Variants in CCDC180 observed in about 807,000 individuals in gnomAD.
CCDC180 encodes coiled-coil domain-containing protein 180.
A neutral mutation model predicts 209.2 loss-of-function variants in CCDC180; 154 were observed. That is an observed-to-expected ratio of 0.74 (90% confidence interval 0.65 to 0.84). The LOEUF (loss-of-function observed/expected upper bound fraction) is 0.84, where lower values mean the gene tolerates loss of function less well. Ranked by LOEUF, CCDC180 falls within the 40% of genes least tolerant of loss-of-function variation. The pLI is 0.00. For synonymous variants in CCDC180, 778 were observed against 749.1 expected (o/e 1.04, Z -0.63); for missense variants, 1,874 against 1,997.3 (o/e 0.94, Z 1.18).
chr9:97,371,787 C>A, intron 34 of CCDC180, 81 bp downstream of exon 34: 1 of 790,326 alleles, frequency 1.3e-6, no homozygotes, highest in Non-Finnish European at 2.0e-6. Context: ...CTTTCCCCAA[C>A]TCTATCAAAG....
chr9:97,362,516 T>G, intron 28 of CCDC180, 75 bp downstream of exon 28: 1 of 1,549,028 alleles, frequency 6.5e-7, no homozygotes, highest in Non-Finnish European at 8.7e-7. Context: ...GACCTATGGC[T>G]TTCCCAGGCT....
chr9:97,356,288 T>C (rs1826584325), intron 24 of CCDC180, among the ~76,000 whole-genome samples: 1 of 152,072 alleles, frequency 6.6e-6, no homozygotes. Flanking sequence ...GACTTGTCTT[T>C]TGGGAGTGGC....
intron 13 of CCDC180, 45 bp downstream of exon 13, chr9:97,323,948 G>A (rs141514275): frequency 6.5e-7 from 1 of 1,544,188 alleles, no homozygotes; most frequent in South Asian, 1.2e-5. Flanking sequence ...GGTGGGGTTG[G>A]GGGTCCCCGG....
At position 97,330,657 on chromosome 9, in the gene CCDC180, G is replaced by T. The variant is rs373770948; in HGVS notation, c.2164G>T (p.Glu722Ter). ...GAAGGGTCAAGGAGAAAAGAAGGAG[G>T]AGTCAGAGGAGGAAGATGAGAAGGA... ...NVKGQGEKKE[E>*]SEEEDEKEEE... Residue 722 changes from glutamate (E) to a stop codon, truncating the protein, a stop_gained, in exon 18 of 37, where the codon GAG (glutamate) becomes TAG (stop). Coordinates refer to ENST00000529487, the MANE Select transcript of CCDC180 (RefSeq NM_020893.6). LOFTEE classifies it high-confidence loss of function. 17 of 1,607,930 alleles carry T rather than the reference G, an allele frequency of 1.1e-5. No homozygotes were observed. Among genetic ancestry groups the T allele is most frequent in the Non-Finnish European group, 1.4e-5 (16 of 1,178,702 alleles).
Position 97,314,599 on chromosome 9 carries a change from C to T in CCDC180, c.589-19C>T. 1 of 1,613,930 alleles carries T rather than the reference C, an allele frequency of 6.2e-7. No homozygotes were observed. The highest frequency in any genetic ancestry group is 1.1e-5 in the South Asian group (1 of 91,064). On this transcript the variant is annotated intron_variant, in intron 6 of 36. Transcript: ENST00000529487. Reference sequence around the variant, plus strand: ...TGCCTCCCACCGGCTCCTAGCCTGACCCAAACTTCTCTGCGTAGGCCCTGC... The same window carrying T: ...TGCCTCCCACCGGCTCCTAGCCTGATCCAAACTTCTCTGCGTAGGCCCTGC...
At position 97,366,542 on chromosome 9, in the gene CCDC180, G is replaced by A. The variant is rs1826925990; in HGVS notation, c.4048-17G>A. 1 of 1,612,902 alleles carries A rather than the reference G, an allele frequency of 6.2e-7. No homozygotes were observed. Among genetic ancestry groups the A allele is most frequent in the Admixed American group, 1.7e-5 (1 of 59,870 alleles). The stretch of plus-strand genomic sequence containing the variant: ...CCCATGGAGTCCTCACCCGCACATG[G>A]TCACCCTCTCTGGCAGGAGTTCTAC... On this transcript the variant is annotated splice_polypyrimidine_tract_variant and intron_variant, in intron 30 of 36. Coordinates refer to ENST00000529487, the MANE Select transcript of CCDC180 (RefSeq NM_020893.6). This position sits in a 1 kb window ranked among gnomAD's most constrained non-coding sequence, Gnocchi z 4.3.
In CCDC180 at chr9:97,366,691, T is replaced by A. The variant is rs761594977; in HGVS notation, c.4180T>A (p.Cys1394Ser). The A allele has an allele frequency of 6.2e-7, 1 of 1,614,112 alleles. No homozygotes were observed. Among genetic ancestry groups the A allele is most frequent in the Non-Finnish European group, 8.5e-7 (1 of 1,180,014 alleles). ...CCAGGCAAATAAGTACCACAACTCC[T>A]GCCTCATAGGTGAGTATAGGCAGCA... is the stretch of plus-strand genomic sequence containing the variant. ...QSQANKYHNS[C>S]LIELRIQIRR... The change falls in exon 31 of 37, where the codon TGC (cysteine) becomes AGC (serine). Residue 1394 changes from cysteine to serine, a missense_variant. Coordinates refer to ENST00000529487, the MANE Select transcript of CCDC180 (RefSeq NM_020893.6). The surrounding 1 kb of genome is among the most constrained non-coding windows in gnomAD (Gnocchi z 4.3).
intron 28 of CCDC180, 77 bp from the exon 29 acceptor site, chr9:97,363,974 G>A (rs1440978233): frequency 1.4e-5 from 20 of 1,426,982 alleles, no homozygotes; most frequent in Non-Finnish European, 1.9e-5. Context: ...AGAAACCCAG[G>A]CAGGGATCCT....
chr9:97,372,678 G>A (rs1293619648), intron 34 of CCDC180: 1 of 152,198 alleles, frequency 6.6e-6, no homozygotes, highest in African/African-American at 2.4e-5. Context: ...TGGGCAACAT[G>A]ACAAAACCTC....
rs771006176 is a variant in CCDC180 at position 97,322,919 on chromosome 9, A to C, written c.1246A>C (p.Lys416Gln). The change falls in exon 12 of 37, where the codon AAG becomes CAG. Residue 416 changes from lysine to glutamine, a missense_variant and splice_region_variant. Transcript: ENST00000529487. ...GTGCCTGATGCATGTGCAGAATTGT[A>C]AGGTGGGCACCCTTCCTGCAGGCCT... Reference protein sequence around the residue: ...QECLMHVQNCKKQLLDWKAFT... With the variant: ...QECLMHVQNCQKQLLDWKAFT... The C allele has an allele frequency of 4.3e-6, 7 of 1,613,412 alleles. No individual in the cohort carries two copies. In the Admixed American group the frequency reaches 1.2e-4, roughly 27 times the overall value.
intron 20 of CCDC180, among the ~76,000 whole-genome samples, chr9:97,348,566 T>C (rs1452602284): frequency 6.6e-6 from 1 of 151,850 alleles, no homozygotes; most frequent in African/African-American, 2.4e-5. Flanking sequence ...CTTCAGATGA[T>C]AGTGGGATCA....
chr9:97,331,099 TC>T (rs1226028356), intron 18 of CCDC180, among the ~76,000 whole-genome samples: 1 of 152,108 alleles, frequency 6.6e-6, no homozygotes, highest in Non-Finnish European at 1.5e-5. Flanking sequence ...CTCAAATAGT[TC>T]CCAGTATCTG....
Position 97,323,810 on chromosome 9 carries a change from TGAG to T in CCDC180, c.1286_1288del (p.Glu429del). ...AGCTGCTGGACTGGAAAGCCTTCAC[TGAG>T]GAGGAGGCAGAGACCCTGGTGAACC... On this transcript the variant is annotated inframe_deletion, in exon 13 of 37. Transcript: ENST00000529487. The T allele has an allele frequency of 6.4e-7, 1 of 1,558,384 alleles. No homozygotes were observed. The highest frequency in any genetic ancestry group is 8.7e-7 in the Non-Finnish European group (1 of 1,150,320).
intron 31 of CCDC180, among the ~76,000 whole-genome samples, chr9:97,367,832 C>T (rs923396418): frequency 6.6e-6 from 1 of 152,164 alleles, no homozygotes; most frequent in Non-Finnish European, 1.5e-5. Context: ...CCGCAGAAGG[C>T]CTTCTTGAGG....
Position 97,362,363 on chromosome 9 carries a change from G to C in CCDC180, c.3824G>C (p.Gly1275Ala). 2 of 1,614,096 alleles carry C rather than the reference G, an allele frequency of 1.2e-6. No individual in the cohort carries two copies. Among genetic ancestry groups the C allele is most frequent in the Non-Finnish European group, 1.7e-6 (2 of 1,180,030 alleles). ...CSCPGPSSPKGFKRHRCQPEN... is the reference protein window; with the variant it reads ...CSCPGPSSPKAFKRHRCQPEN... The stretch of plus-strand genomic sequence containing the variant: ...TGTCCTGGGCCCTCGTCACCCAAAG[G>C]CTTCAAGCGACATCGGTGCCAGCCA... Residue 1275 changes from glycine to alanine, a missense_variant, in exon 28 of 37, where the codon GGC (glycine) becomes GCC (alanine). Gly to Ala is a moderately conservative substitution (Grantham distance 60). Coordinates refer to ENST00000529487, the MANE Select transcript of CCDC180 (RefSeq NM_020893.6).
chr9:97,370,539 A>G, intron 32 of CCDC180, 102 bp from the exon 33 acceptor site: 11 of 1,356,328 alleles, frequency 8.1e-6, no homozygotes, highest in Non-Finnish European at 1.1e-5. Context: ...CACCCAGGTC[A>G]GAGGACATGA....
At chr9:97,314,820 G>A (rs1441827018) in intron 7 of CCDC180, 31 bp from the exon 8 acceptor site, 1 of 1,602,896 alleles carries the variant, frequency 6.2e-7, no homozygotes, top group Admixed American at 1.7e-5. Flanking sequence ...CAGGAAGTGA[G>A]CCACTAAGTA....
chr9:97,358,197 C>T (rs1826643651), intron 25 of CCDC180, among the ~76,000 whole-genome samples: 1 of 148,866 alleles, frequency 6.7e-6, no homozygotes, highest in Non-Finnish European at 1.5e-5. Context: ...TCTCAGCTCA[C>T]TGCAACCTCT....
chr9:97,330,727 A>C lies in CCDC180; in HGVS notation c.2234A>C (p.Lys745Thr), dbSNP rs752636845. Residue 745 changes from lysine to threonine, a missense_variant, in exon 18 of 37, where the codon AAG (lysine) becomes ACG (threonine). Physicochemically the swap from Lys to Thr is moderately conservative, Grantham distance 78. Transcript: ENST00000529487. ...EEKLEEEKEEKEAQEEQESLS... is the reference protein window; with the variant it reads ...EEKLEEEKEETEAQEEQESLS... ...AAGCTGGAGGAAGAGAAGGAGGAGA[A>C]GGAGGCACAGGAAGAGCAAGAGAGT... 1 of 1,604,928 alleles carries C rather than the reference A, an allele frequency of 6.2e-7. No individual in the cohort carries two copies. Among genetic ancestry groups the C allele is most frequent in the Non-Finnish European group, 8.5e-7 (1 of 1,179,714 alleles).
Sources: gnomAD v4.1 joint callset for allele counts (sites outside exome capture counted in the v4.1 genomes callset) on GRCh38, gnomAD v4.1.1 for gene constraint, Gnocchi (gnomAD v3.1) non-coding constraint, MANE v1.5 for transcripts, NCBI Gene and HGNC (gene_info 2026-07-23, HGNC 2026-07-21) for gene names.